Variants in DMD observed in about 807,000 individuals in gnomAD.
DMD encodes dystrophin.
Under a neutral mutation model 330.1 loss-of-function variants are expected in DMD, and 63 were observed. The ratio of observed to expected loss-of-function variants is 0.19; its 90% confidence interval spans 0.16 to 0.24. The LOEUF is 0.24. DMD is among the 10% of genes least tolerant of loss of function. The pLI is 1.00. For missense variants in DMD, 3,344 were observed against 2,684.1 expected (o/e 1.25, Z -5.43); for synonymous variants, 1,223 against 959.8 (o/e 1.27, Z -5.07).
chrX:32,951,370 GA>G (rs1487601128), intron 2 of DMD, among the ~76,000 whole-genome samples: 2 of 111,672 alleles, frequency 1.8e-5, no homozygotes, highest in African/African-American at 6.5e-5. Context: ...ATTTTAAGGG[GA>G]AAATATCAAT....
chrX:32,645,209 G>T, intron 9 of DMD, 57 bp from the exon 10 acceptor site: 1 of 1,128,720 alleles, frequency 8.9e-7, no homozygotes, highest in Non-Finnish European at 1.2e-6. Context: ...GATTGTTCCA[G>T]TACATTAAAT....
At chrX:32,975,887 TA>T (rs2092535633) in intron 2 of DMD, among the ~76,000 whole-genome samples, 1 of 111,536 alleles carries the variant, frequency 9.0e-6, no homozygotes, top group African/African-American at 3.3e-5. Context: ...ATGAGAAAGT[TA>T]AAATCCTCTG....
In DMD at chrX:32,564,394, T is replaced by C. The variant is rs757598242; in HGVS notation, c.1992+1308A>G. On this transcript the variant is annotated intron_variant, in intron 16 of 78. Coordinates refer to ENST00000357033, the MANE Select transcript of DMD (RefSeq NM_004006.3). ...AATCTGTGGAAGCAATGGGTACATATGGGAATACTCTCAGTGTTGGGTTAA... is the reference window on the plus strand; with the variant it reads ...AATCTGTGGAAGCAATGGGTACATACGGGAATACTCTCAGTGTTGGGTTAA... Among the ~76,000 whole-genome samples, 3 of 111,966 alleles carry C rather than the reference T, an allele frequency of 2.7e-5. No individual in the cohort carries two copies. In the Admixed American group the frequency reaches 2.9e-4, roughly 11 times the overall value.
intron 7 of DMD, among the ~76,000 whole-genome samples, chrX:32,754,766 A>AC (rs2071289351): frequency 9.0e-6 from 1 of 111,581 alleles, no homozygotes; most frequent in Admixed American, 9.7e-5. Context: ...TAGCATTTAT[A>AC]CTGTTATAGA....
At chrX:32,652,599 G>A (rs1339011526) in intron 9 of DMD, among the ~76,000 whole-genome samples, 2 of 110,633 alleles carry the variant, frequency 1.8e-5, no homozygotes, top group African/African-American at 6.6e-5. Context: ...ATAAACATAC[G>A]TGTGCATCTG....
At position 32,669,460 on chromosome X, in the gene DMD, G is replaced by C. The variant is rs1184326338; in HGVS notation, c.961-24308C>G. ...TCCCACCTCTAGTTCCCTACAGATA[G>C]ATAGATCGATCAACAAAACAATCAA... On this transcript the variant is annotated intron_variant, in intron 9 of 78. Coordinates refer to ENST00000357033, the MANE Select transcript of DMD (RefSeq NM_004006.3). Among the ~76,000 whole-genome samples, 6 of 111,869 alleles carry C rather than the reference G, an allele frequency of 5.4e-5. No individual in the cohort carries two copies. In the South Asian group the frequency reaches 2.2e-3, roughly 42 times the overall value.
chrX:32,330,998 A>C (rs143513900), intron 41 of DMD, among the ~76,000 whole-genome samples: 7 of 111,791 alleles, frequency 6.3e-5, no homozygotes, highest in African/African-American at 2.3e-4. Context: ...TAATTCAATA[A>C]GTAAAACTAC....
intron 11 of DMD, among the ~76,000 whole-genome samples, chrX:32,627,557 C>G (rs990310829): frequency 4.5e-5 from 5 of 110,658 alleles, no homozygotes; most frequent in Non-Finnish European, 3.8e-5. Flanking sequence ...GGTGGGGAAA[C>G]AAAGGCTTAC....
chrX:32,615,904 A>AT (rs2057525653), intron 11 of DMD, among the ~76,000 whole-genome samples: 1 of 111,520 alleles, frequency 9.0e-6, no homozygotes, highest in Admixed American at 9.5e-5. Flanking sequence ...TCCTTAAACT[A>AT]TTTTTTGTAT....
At chrX:31,237,796 T>G (rs1336204371) in intron 63 of DMD, among the ~76,000 whole-genome samples, 1 of 111,697 alleles carries the variant, frequency 9.0e-6, no homozygotes, top group Admixed American at 9.5e-5. Context: ...CTCGGCTCAC[T>G]GCAACCTCTG....
chrX:31,179,973 C>CATTG (rs1377316441), intron 69 of DMD, among the ~76,000 whole-genome samples: 1 of 111,451 alleles, frequency 9.0e-6, no homozygotes, highest in Non-Finnish European at 1.9e-5. Flanking sequence ...AGGTGAGCAA[C>CATTG]ATTGATTAAA....
chrX:32,297,476 C>T (rs1569556375), intron 42 of DMD, among the ~76,000 whole-genome samples: 1 of 109,836 alleles, frequency 9.1e-6, no homozygotes, highest in African/African-American at 3.3e-5. Flanking sequence ...GGTTCCATTA[C>T]GTTGGCCAGG....
chrX:32,559,566 G>A (rs1470170668), intron 16 of DMD, among the ~76,000 whole-genome samples: 1 of 110,964 alleles, frequency 9.0e-6, no homozygotes, highest in African/African-American at 3.3e-5. Context: ...TGTACAAAGA[G>A]GTCTACAAAA....
intron 9 of DMD, among the ~76,000 whole-genome samples, chrX:32,661,558 C>A (rs1290706120): frequency 4.5e-5 from 5 of 111,152 alleles, no homozygotes; most frequent in African/African-American, 6.5e-5. Flanking sequence ...CCAGAGATAG[C>A]TAGATTTATA....
At chrX:31,624,292 A>G (rs896800884) in intron 55 of DMD, among the ~76,000 whole-genome samples, 2 of 111,767 alleles carry the variant, frequency 1.8e-5, no homozygotes, top group Non-Finnish European at 3.8e-5. Context: ...GACGACGGTA[A>G]AGTTCTTGAT....
At chrX:32,400,848 T>C (rs1342728135) in intron 30 of DMD, among the ~76,000 whole-genome samples, 3 of 108,778 alleles carry the variant, frequency 2.8e-5, no homozygotes, top group Admixed American at 2.0e-4. Context: ...CCCAAAGGAC[T>C]ATAAATCATG....
chrX:31,833,598 A>G (rs2093125570), intron 49 of DMD, among the ~76,000 whole-genome samples: 1 of 111,420 alleles, frequency 9.0e-6, no homozygotes, highest in African/African-American at 3.3e-5. Context: ...AGAAACCAGA[A>G]ATATACCATC....
intron 74 of DMD, among the ~76,000 whole-genome samples, chrX:31,150,030 T>C (rs1055380435): frequency 8.9e-6 from 1 of 112,153 alleles, no homozygotes; most frequent in Non-Finnish European, 1.9e-5. Flanking sequence ...ATTTTTCCAT[T>C]GGAAAGATGG....
intron 46 of DMD, among the ~76,000 whole-genome samples, chrX:31,930,619 A>T (rs1454290300): frequency 1.8e-5 from 2 of 112,101 alleles, no homozygotes; most frequent in Non-Finnish European, 3.8e-5. Flanking sequence ...TCACACGACC[A>T]ACTCTCCAGG....
Sources: allele counts gnomAD v4.1 joint callset (sites outside exome capture counted in the v4.1 genomes callset), GRCh38; gene constraint gnomAD v4.1.1; transcripts MANE v1.5; gene names NCBI Gene and HGNC (gene_info 2026-07-23, HGNC 2026-07-21).